The following SLCO2A1 variants were observed in gnomAD, a reference collection of about 807,000 sequenced individuals.
SLCO2A1 encodes the protein matrin F/G 1.
SLCO2A1 carries 60 observed loss-of-function variants against 71.7 expected under a neutral mutation model. The ratio of observed to expected loss-of-function variants is 0.84; its 90% CI spans 0.68 to 1.04. The LOEUF is 1.04. Ranked by LOEUF, SLCO2A1 falls within the 50% of genes least tolerant of loss-of-function variation. The probability of loss-of-function intolerance (pLI) is 0.00; values close to 1 mark genes in which losing one functional copy is unlikely to be tolerated. For missense variants in SLCO2A1, 745 were observed against 813.4 expected (o/e 0.92, Z 1.02); for synonymous variants, 308 against 326.7 (o/e 0.94, Z 0.62).
chr3:133,956,372 C>A (rs1933898440), intron 3 of SLCO2A1, among the ~76,000 whole-genome samples: 1 of 152,210 alleles, frequency 6.6e-6, no homozygotes, highest in Non-Finnish European at 1.5e-5. Flanking sequence ...CCCAGTCGCA[C>A]ACGCCTCGTC....
chr3:134,006,340 C>T (rs1935214334), intron 1 of SLCO2A1, among the ~76,000 whole-genome samples: 1 of 152,222 alleles, frequency 6.6e-6, no homozygotes, highest in Non-Finnish European at 1.5e-5. Flanking sequence ...GCATGAGCCA[C>T]CACTGCCTAG....
At chr3:133,959,335 T>C (rs1933974923) in intron 3 of SLCO2A1, among the ~76,000 whole-genome samples, 1 of 151,738 alleles carries the variant, frequency 6.6e-6, no homozygotes, top group African/African-American at 2.4e-5. Context: ...AACCGTAATA[T>C]TGCTTTATCA....
intron 4 of SLCO2A1, among the ~76,000 whole-genome samples, chr3:133,954,147 T>G (rs1182802987): frequency 7.4e-6 from 1 of 134,350 alleles, no homozygotes; most frequent in African/African-American, 2.7e-5. Flanking sequence ...CTCAAAGTGG[T>G]GTGTTCTTTT....
chr3:133,944,446 C>T (rs931836428), intron 10 of SLCO2A1, among the ~76,000 whole-genome samples: 2 of 152,106 alleles, frequency 1.3e-5, no homozygotes, highest in Non-Finnish European at 2.9e-5. Flanking sequence ...AGGTGTGGAG[C>T]CACAGAAAAA....
At chr3:134,001,922 G>A (rs938737349) in intron 1 of SLCO2A1, among the ~76,000 whole-genome samples, 8 of 152,150 alleles carry the variant, frequency 5.3e-5, no homozygotes, top group Non-Finnish European at 7.4e-5. Context: ...GTAGACCACA[G>A]CGATCGCCAC....
chr3:133,975,674 T>G (rs1038572354), intron 2 of SLCO2A1, among the ~76,000 whole-genome samples: 3 of 152,214 alleles, frequency 2.0e-5, no homozygotes, highest in Non-Finnish European at 4.4e-5. Context: ...CCAGCCATAC[T>G]GCCCCCAGCT....
chr3:134,002,004 G>C (rs1935113608), intron 1 of SLCO2A1, among the ~76,000 whole-genome samples: 1 of 152,158 alleles, frequency 6.6e-6, no homozygotes, highest in Admixed American at 6.5e-5. Flanking sequence ...GTTAAGGCAT[G>C]GAAAATAAGG....
chr3:134,026,511 A>G (rs1261893086), intron 1 of SLCO2A1, among the ~76,000 whole-genome samples: 1 of 152,104 alleles, frequency 6.6e-6, no homozygotes, highest in Non-Finnish European at 1.5e-5. Flanking sequence ...AAGCATAGCT[A>G]TAGGAAATTG....
At chr3:133,962,318 G>A (rs1292745925) in intron 3 of SLCO2A1, among the ~76,000 whole-genome samples, 1 of 152,082 alleles carries the variant, frequency 6.6e-6, no homozygotes, top group African/African-American at 2.4e-5. Context: ...GACCTCAGAC[G>A]ATCCACCCTC....
chr3:134,005,505 G>A (rs1251178852), intron 1 of SLCO2A1, among the ~76,000 whole-genome samples: 2 of 118,296 alleles, frequency 1.7e-5, no homozygotes. Context: ...TTTTTTAGAC[G>A]GAGTCTTGCT....
intron 4 of SLCO2A1, 145 bp downstream of exon 4, chr3:133,954,821 G>A (rs1262590720): frequency 3.8e-5 from 24 of 635,044 alleles, no homozygotes; most frequent in Non-Finnish European, 5.7e-5. Context: ...TTCAAACCAA[G>A]TCTGTCGGAT....
chr3:133,978,660 C>T (rs59051257), intron 2 of SLCO2A1, among the ~76,000 whole-genome samples: 31,055 of 151,894 alleles, frequency 0.2, 3,268 homozygotes, highest in African/African-American at 0.24. Context: ...AGGAGCAACC[C>T]GGCTCTGGGG....
At chr3:133,993,715 T>C (rs1934902742) in intron 1 of SLCO2A1, among the ~76,000 whole-genome samples, 1 of 152,324 alleles carries the variant, frequency 6.6e-6, no homozygotes, top group African/African-American at 2.4e-5. Context: ...GGCAGTAATT[T>C]GTTAGGTTGA....
At chr3:134,023,565 T>A (rs938882146) in intron 1 of SLCO2A1, among the ~76,000 whole-genome samples, 4 of 152,214 alleles carry the variant, frequency 2.6e-5, no homozygotes, top group African/African-American at 9.7e-5. Context: ...CATGCCATAG[T>A]TGGTCCAATG....
intron 1 of SLCO2A1, among the ~76,000 whole-genome samples, chr3:134,021,159 C>T (rs149692108): frequency 0.012 from 1,826 of 152,284 alleles, 40 homozygotes; most frequent in African/African-American, 0.04. Context: ...AAAGTGTGTG[C>T]GTGCCCTTTT....
chr3:133,940,014 C>A (rs1379948493), intron 11 of SLCO2A1, among the ~76,000 whole-genome samples: 2 of 141,914 alleles, frequency 1.4e-5, no homozygotes, highest in Admixed American at 1.5e-4. Context: ...GTCACCCAGG[C>A]TGGAGTGCAG....
At chr3:133,939,660 T>G (rs1267599176) in intron 11 of SLCO2A1, among the ~76,000 whole-genome samples, 1 of 152,230 alleles carries the variant, frequency 6.6e-6, no homozygotes, top group East Asian at 1.9e-4. Flanking sequence ...AATCCTGTTG[T>G]GTCTACAGAT....
rs148919746 is a variant in SLCO2A1 at position 133,997,892 on chromosome 3, C to T, written c.97-18274G>A. 1.8e-3 allele frequency among the ~76,000 whole-genome samples: 280 copies of T among 152,334 alleles called. 1 individual carries two copies. The highest frequency in any genetic ancestry group is 6.1e-3 in the African/African-American group (253 of 41,586). On this transcript the variant is annotated intron_variant, in intron 1 of 13. Transcript: ENST00000310926. The stretch of plus-strand genomic sequence containing the variant: ...GGCAAGTTACACTATTTATGTTAAG[C>T]TTCAGTATTCTCACATGTGAGGTGG...
intron 9 of SLCO2A1, among the ~76,000 whole-genome samples, chr3:133,946,074 C>T (rs920897474): frequency 5.3e-5 from 8 of 152,090 alleles, no homozygotes; most frequent in East Asian, 1.9e-4. Flanking sequence ...TCCCAGTGGA[C>T]GCTGCCAAAA....
Sources: allele counts gnomAD v4.1 joint callset (sites outside exome capture counted in the v4.1 genomes callset), GRCh38; gene constraint gnomAD v4.1.1; transcripts MANE v1.5; gene names NCBI Gene and HGNC (gene_info 2026-07-23, HGNC 2026-07-21).